Variants in STK3 observed in about 807,000 individuals in gnomAD.
The protein encoded by STK3 is serine/threonine kinase 3, also known as serine/threonine-protein kinase 3.
In STK3, 41 loss-of-function variants were observed where a neutral mutation model predicts 58.0. The ratio of observed to expected loss-of-function variants is 0.71; its 90% confidence interval spans 0.55 to 0.92. The LOEUF (loss-of-function observed/expected upper bound fraction) is 0.92, where lower values mean the gene tolerates loss of function less well. Ranked by LOEUF, STK3 falls within the 40% of genes least tolerant of loss-of-function variation. The probability of loss-of-function intolerance (pLI) is 0.00; values close to 1 mark genes in which losing one functional copy is unlikely to be tolerated. For synonymous variants in STK3, 170 were observed against 191.0 expected, an observed-to-expected ratio of 0.89 and a Z score of 0.91; for missense variants, 479 against 602.7, an observed-to-expected ratio of 0.79 and a Z score of 2.15.
chr8:98,609,460 T>TA (rs1482090142), intron 6 of STK3, among the ~76,000 whole-genome samples: 1 of 152,132 alleles, frequency 6.6e-6, no homozygotes, highest in Admixed American at 6.6e-5. Context: ...CTGCATTAGC[T>TA]ATAACAATAA....
intron 4 of STK3, among the ~76,000 whole-genome samples, chr8:98,711,426 G>C (rs188689603): frequency 6.6e-6 from 1 of 152,202 alleles, no homozygotes; most frequent in East Asian, 1.9e-4. Flanking sequence ...AACCAATGCA[G>C]AGAAGTCCTT....
intron 3 of STK3, among the ~76,000 whole-genome samples, chr8:98,420,639 T>C (rs1818161275): frequency 6.6e-6 from 1 of 152,150 alleles, no homozygotes; most frequent in Non-Finnish European, 1.5e-5. Context: ...CTGCACCTAC[T>C]TGAGACAGTT....
chr8:98,687,505 G>T (rs1175223784), intron 6 of STK3, among the ~76,000 whole-genome samples: 1 of 152,172 alleles, frequency 6.6e-6, no homozygotes, highest in East Asian at 1.9e-4. Context: ...AACAGTTCAT[G>T]GACCGGTACC....
intron 3 of STK3, among the ~76,000 whole-genome samples, chr8:98,393,304 C>T (rs555231501): frequency 1.3e-5 from 2 of 152,282 alleles, no homozygotes; most frequent in East Asian, 1.9e-4. Flanking sequence ...GGGCCTGTCA[C>T]TCCAATGTCC....
chr8:98,736,621 T>C (rs961473830), intron 4 of STK3, among the ~76,000 whole-genome samples: 23 of 152,156 alleles, frequency 1.5e-4, no homozygotes, highest in Non-Finnish European at 2.8e-4. Context: ...AAATAGACAA[T>C]AGTCAATAAT....
At position 98,869,212 on chromosome 8, in the gene STK3, G is replaced by A. The variant is rs536498427; in HGVS notation, c.110+14435C>T. ...GAGGCTGGTGGATCACTCGAGCCCAGGAGTTCGAGGCCAGCCTGGCCAACA... is the reference window on the plus strand; with the variant it reads ...GAGGCTGGTGGATCACTCGAGCCCAAGAGTTCGAGGCCAGCCTGGCCAACA... On this transcript the variant is annotated intron_variant, in intron 3 of 12. Coordinates refer to the STK3 transcript ENST00000523601. 8.5e-5 allele frequency among the ~76,000 whole-genome samples: 13 copies of A among 152,288 alleles called. No homozygotes were observed. The South Asian group carries it at 2.7e-3, about 32-fold the overall frequency.
At chr8:98,623,630 A>G (rs1818496538) in intron 6 of STK3, among the ~76,000 whole-genome samples, 1 of 152,130 alleles carries the variant, frequency 6.6e-6, no homozygotes, top group Non-Finnish European at 1.5e-5. Flanking sequence ...CAAAATATAC[A>G]ACAATTAGCC....
chr8:98,903,556 C>CCTCTTCTTCTT lies in STK3; in HGVS notation c.-78-19723_-78-19722insAAGAAGAAGAG, dbSNP rs1554699132. On this transcript the variant is annotated intron_variant, in intron 1 of 1. Transcript: ENST00000519420. ...TCTTCTTCTTCTTCTTCTTCTTCTT[C>CCTCTTCTTCTT]CTTTTTTTTTTTTTAAGTGGGGCCT... Among the ~76,000 whole-genome samples the CCTCTTCTTCTT allele has an allele frequency of 2.6e-3, 129 of 50,518 alleles. 7 individuals are homozygous for CCTCTTCTTCTT. Among genetic ancestry groups the CCTCTTCTTCTT allele is most frequent in the African/African-American group, 8.4e-3 (123 of 14,662 alleles). The allele number at this position is 50,518 out of a possible 152,430, so 33.1% of individuals were successfully genotyped here. A position where few individuals can be genotyped will look rare whatever the true frequency, so the allele number is the denominator to read the frequency against.
intron 2 of STK3, among the ~76,000 whole-genome samples, chr8:98,377,617 A>G (rs1203531437): frequency 6.6e-6 from 1 of 152,166 alleles, no homozygotes; most frequent in Non-Finnish European, 1.5e-5. Flanking sequence ...GTGTCCTGTT[A>G]AACCATCCAG....
chr8:98,823,675 C>A (rs1489051290), intron 1 of STK3, among the ~76,000 whole-genome samples: 1 of 152,106 alleles, frequency 6.6e-6, no homozygotes, highest in African/African-American at 2.4e-5. Flanking sequence ...TTAAATTAGT[C>A]CCCATTATCT....
intron 8 of STK3, among the ~76,000 whole-genome samples, chr8:98,578,653 G>C (rs1197915302): frequency 1.3e-5 from 2 of 152,144 alleles, no homozygotes; most frequent in South Asian, 2.1e-4. Flanking sequence ...TACAGAAACT[G>C]TAAGATTTTT....
Position 98,489,543 on chromosome 8 carries a change from C to T in STK3, c.1318-33543G>A, listed in dbSNP as rs915537721. Among the ~76,000 whole-genome samples, 8 of 152,094 alleles carry T rather than the reference C, an allele frequency of 5.3e-5. 1 individual carries two copies. Among genetic ancestry groups the T allele is most frequent in the South Asian group, 4.1e-4 (2 of 4,822 alleles). ...TATTATATAGTAAAAAGTCTTCCCA[C>T]GTATCAAGATTATGTACATATCCAC... is the stretch of plus-strand genomic sequence containing the variant. On this transcript the variant is annotated intron_variant, in intron 10 of 10. Coordinates refer to ENST00000419617, the MANE Select transcript of STK3 (RefSeq NM_006281.4).
chr8:98,784,383 T>C (rs1832321259), intron 1 of STK3, among the ~76,000 whole-genome samples: 1 of 152,184 alleles, frequency 6.6e-6, no homozygotes, highest in Admixed American at 6.5e-5. Flanking sequence ...GCTACAGCTA[T>C]TGTTTCTCCT....
chr8:98,577,767 A>C (rs1253874777), intron 8 of STK3, among the ~76,000 whole-genome samples: 3 of 152,192 alleles, frequency 2.0e-5, no homozygotes, highest in Non-Finnish European at 4.4e-5. Flanking sequence ...AGCAATCTAC[A>C]AATACCATGA....
chr8:98,898,781 G>A (rs1437732545), intron 1 of STK3, among the ~76,000 whole-genome samples: 2 of 152,302 alleles, frequency 1.3e-5, no homozygotes, highest in Admixed American at 6.5e-5. Flanking sequence ...ATAATGTAGT[G>A]TTCCTCCAGT....
intron 3 of STK3, among the ~76,000 whole-genome samples, chr8:98,402,860 G>C (rs948118263): frequency 5.3e-5 from 8 of 152,174 alleles, no homozygotes; most frequent in African/African-American, 1.9e-4. Context: ...AGCCCCAGGG[G>C]ACTAGCATCT....
intron 10 of STK3, among the ~76,000 whole-genome samples, chr8:98,513,489 T>G (rs374185929): frequency 6.6e-6 from 1 of 152,204 alleles, no homozygotes; most frequent in Non-Finnish European, 1.5e-5. Context: ...GCCCTGGTGC[T>G]GCCAGTGGAG....
At chr8:98,378,572 T>C (rs1817699448) in intron 2 of STK3, among the ~76,000 whole-genome samples, 2 of 152,250 alleles carry the variant, frequency 1.3e-5, no homozygotes, top group South Asian at 4.1e-4. Context: ...ATATGAGGAA[T>C]GTGTGCAAAG....
intron 1 of STK3, among the ~76,000 whole-genome samples, chr8:98,776,551 G>C (rs1831690510): frequency 6.6e-6 from 1 of 152,186 alleles, no homozygotes; most frequent in Admixed American, 6.5e-5. Context: ...CAGCCTACTT[G>C]CAGCAGTGAA....
Sources: gnomAD v4.1 joint callset for allele counts (sites outside exome capture counted in the v4.1 genomes callset) on GRCh38, gnomAD v4.1.1 for gene constraint, MANE v1.5 for transcripts, NCBI Gene and HGNC (gene_info 2026-07-23, HGNC 2026-07-21) for gene names.